The following ST7 variants were observed in gnomAD, a reference collection of about 807,000 sequenced individuals.
ST7 encodes the protein suppression of tumorigenicity 7.
ST7 carries 28 observed loss-of-function variants against 78.7 expected under a neutral mutation model. The ratio of observed to expected loss-of-function variants is 0.36; its 90% CI spans 0.26 to 0.49. ST7 has a LOEUF of 0.49. Among genes scored for constraint, ST7 ranks in the 20% least tolerant of loss-of-function variants. The pLI is 0.99. For synonymous variants in ST7, 247 were observed against 249.6 expected (o/e 0.99, Z 0.10); for missense variants, 418 against 696.0 (o/e 0.60, Z 4.49).
chr7:117,125,731 C>G (rs1803780984), intron 3 of ST7, among the ~76,000 whole-genome samples: 1 of 151,964 alleles, frequency 6.6e-6, no homozygotes, highest in African/African-American at 2.4e-5. Context: ...TTAGCTAGCA[C>G]CCTTTTCTGT....
At chr7:117,150,000 A>G (rs2117147451) in intron 9 of ST7, among the ~76,000 whole-genome samples, 1 of 152,254 alleles carries the variant, frequency 6.6e-6, no homozygotes, top group Middle Eastern at 3.4e-3. Flanking sequence ...TGTGGACTAT[A>G]CACCTGACTG....
chr7:117,168,972 G>T (rs187722182), intron 9 of ST7, among the ~76,000 whole-genome samples: 185 of 152,260 alleles, frequency 1.2e-3, no homozygotes, highest in Non-Finnish European at 2.1e-3. Flanking sequence ...TGTTATAATA[G>T]ATAGCAGTTA....
intron 1 of ST7, chr7:117,020,281 C>T: frequency 2.7e-6 from 1 of 367,320 alleles, no homozygotes. Flanking sequence ...CCCAGTCCTG[C>T]CCCTGCTGCT....
intron 1 of ST7, chr7:116,956,830 A>G: frequency 2.8e-6 from 1 of 361,614 alleles, no homozygotes; most frequent in Non-Finnish European, 5.4e-6. Context: ...CAGGGTAAAT[A>G]AGGAGTTTAC....
intron 9 of ST7, among the ~76,000 whole-genome samples, chr7:117,153,993 T>C (rs1806488767): frequency 1.3e-5 from 2 of 152,074 alleles, no homozygotes; most frequent in East Asian, 1.9e-4. Flanking sequence ...GGATCACTGA[T>C]AGAATGAAGT....
chr7:116,969,321 ATAACCT>A (rs890167333), intron 1 of ST7, among the ~76,000 whole-genome samples: 2 of 151,972 alleles, frequency 1.3e-5, no homozygotes, highest in Non-Finnish European at 2.9e-5. Flanking sequence ...CTTGTTTTTG[ATAACCT>A]TAACAATTTT....
At chr7:117,105,565 A>G (rs1056277380) in intron 2 of ST7, among the ~76,000 whole-genome samples, 13 of 152,192 alleles carry the variant, frequency 8.5e-5, no homozygotes, top group African/African-American at 3.1e-4. Context: ...TACAGGCGTG[A>G]GCCACCATGC....
intron 1 of ST7, among the ~76,000 whole-genome samples, chr7:116,989,895 A>T (rs1478226676): frequency 6.6e-6 from 1 of 152,006 alleles, no homozygotes. Flanking sequence ...AGAAAACCAT[A>T]TGTATGTGTG....
intron 1 of ST7, among the ~76,000 whole-genome samples, chr7:117,032,547 A>C (rs1796658015): frequency 2.6e-5 from 4 of 152,192 alleles, no homozygotes; most frequent in Admixed American, 2.6e-4. Flanking sequence ...AAACAGATTC[A>C]GGATGACATT....
At chr7:117,091,639 A>G (rs1800624164) in intron 1 of ST7, among the ~76,000 whole-genome samples, 1 of 152,224 alleles carries the variant, frequency 6.6e-6, no homozygotes, top group African/African-American at 2.4e-5. Flanking sequence ...CTTTCTCGGC[A>G]TACTGCAATT....
intron 1 of ST7, chr7:116,954,355 CAAATG>C (rs1792326683): frequency 2.0e-5 from 3 of 152,300 alleles, no homozygotes; most frequent in African/African-American, 7.2e-5. Flanking sequence ...GTCAGGTCAC[CAAATG>C]GATTGTCGAA....
intron 1 of ST7, among the ~76,000 whole-genome samples, chr7:117,098,024 G>A (rs1330432770): frequency 8.9e-5 from 13 of 146,786 alleles, no homozygotes; most frequent in Non-Finnish European, 1.8e-4. Context: ...CTACCTTCCC[G>A]GAAGTTCCAG....
intron 1 of ST7, chr7:116,972,642 A>G: frequency 8.4e-7 from 1 of 1,196,582 alleles, no homozygotes. Flanking sequence ...TAAACTTCAT[A>G]CCTCTCTCAC....
intron 9 of ST7, among the ~76,000 whole-genome samples, chr7:117,170,476 A>G (rs1292065837): frequency 6.6e-6 from 1 of 152,134 alleles, no homozygotes; most frequent in Non-Finnish European, 1.5e-5. Context: ...AGGTCAGGAG[A>G]TCAAGACCAT....
intron 2 of ST7, among the ~76,000 whole-genome samples, chr7:117,102,778 GGAA>G (rs1801662315): frequency 6.6e-6 from 1 of 151,976 alleles, no homozygotes; most frequent in African/African-American, 2.4e-5. Context: ...CCATGAAAAA[GGAA>G]GAAGTCAAGT....
intron 1 of ST7, among the ~76,000 whole-genome samples, chr7:117,055,742 T>G (rs1798030253): frequency 6.6e-6 from 1 of 152,242 alleles, no homozygotes; most frequent in Admixed American, 6.5e-5. Flanking sequence ...GTACTATTGC[T>G]TCTTTTTATT....
chr7:117,209,856 A>G lies in ST7; in HGVS notation c.1324A>G (p.Ile442Val), dbSNP rs769563155. ...HILKRGDSEAIAYAFFHLAHW... is the reference protein window; with the variant it reads ...HILKRGDSEAVAYAFFHLAHW... ...CCTGAAGAGAGGAGACAGTGAAGCA[A>G]TAGCATATGCATTCTTTCATCTTGC... The change falls in exon 13 of 16, where the codon ATA becomes GTA. Residue 442 changes from isoleucine to valine, a missense_variant. Ile to Val is a conservative substitution (Grantham distance 29). Coordinates refer to ENST00000323984, the MANE Select transcript of ST7 (RefSeq NM_001369598.1). 3 of 1,614,176 alleles carry G rather than the reference A, an allele frequency of 1.9e-6. No individual in the cohort carries two copies. The highest frequency in any genetic ancestry group is 2.2e-5 in the South Asian group (2 of 91,084).
intron 12 of ST7, among the ~76,000 whole-genome samples, chr7:117,193,372 A>G (rs1461228484): frequency 6.6e-6 from 1 of 152,186 alleles, no homozygotes; most frequent in African/African-American, 2.4e-5. Flanking sequence ...TTGAATGTTA[A>G]TGTGCCAAGC....
chr7:117,057,925 C>G (rs904037627), intron 1 of ST7, among the ~76,000 whole-genome samples: 1 of 152,058 alleles, frequency 6.6e-6, no homozygotes, highest in African/African-American at 2.4e-5. Context: ...GTAATCCTAC[C>G]TGAGTGGGAT....
Sources: allele counts gnomAD v4.1 joint callset (sites outside exome capture counted in the v4.1 genomes callset), GRCh38; gene constraint gnomAD v4.1.1; transcripts MANE v1.5; gene names NCBI Gene and HGNC (gene_info 2026-07-23, HGNC 2026-07-21).